The following ARNT2 variants were observed in gnomAD, a reference collection of about 807,000 sequenced individuals.
The protein encoded by ARNT2 is aryl hydrocarbon receptor nuclear translocator 2.
Under a neutral mutation model 91.7 loss-of-function variants are expected in ARNT2, and 36 were observed. The ratio of observed to expected loss-of-function variants is 0.39; its 90% CI spans 0.30 to 0.52. The LOEUF (loss-of-function observed/expected upper bound fraction) is 0.52, where lower values mean the gene tolerates loss of function less well. Among genes scored for constraint, ARNT2 ranks in the 20% least tolerant of loss-of-function variants. The pLI is 0.72. For missense variants in ARNT2, 775 were observed against 939.3 expected (o/e 0.83, Z 2.29); for synonymous variants, 365 against 347.1 (o/e 1.05, Z -0.57).
intron 14 of ARNT2, 37 bp from the exon 15 acceptor site, chr15:80,576,829 G>T (rs761712225): frequency 1.1e-5 from 17 of 1,608,258 alleles, no homozygotes; most frequent in Non-Finnish European, 1.4e-5. Context: ...GCAGAGCAGG[G>T]AACCTTCGCA....
intron 1 of ARNT2, among the ~76,000 whole-genome samples, chr15:80,431,769 GCT>G (rs775652740): frequency 2.6e-5 from 4 of 152,298 alleles, no homozygotes; most frequent in Non-Finnish European, 4.4e-5. Flanking sequence ...TGGCCTACCA[GCT>G]CTCTCCCTTT....
At chr15:80,505,924 G>GTTTTTTTTTTTTTTTTT (rs1486880107) in intron 5 of ARNT2, among the ~76,000 whole-genome samples, 18 of 71,148 alleles carry the variant, frequency 2.5e-4, no homozygotes, top group African/African-American at 1.1e-3. Flanking sequence ...CCCAACATTT[G>GTTTTTTTTTTTTTTTTT]TTGTTTTTTT....
intron 1 of ARNT2, among the ~76,000 whole-genome samples, chr15:80,425,672 C>A (rs1895922872): frequency 6.6e-6 from 1 of 151,822 alleles, no homozygotes; most frequent in African/African-American, 2.4e-5. Flanking sequence ...ACCTATTGAC[C>A]CATTTTCTAA....
At chr15:80,584,113 A>G (rs74027859) in intron 17 of ARNT2, among the ~76,000 whole-genome samples, 171 of 152,300 alleles carry the variant, frequency 1.1e-3, no homozygotes, top group African/African-American at 3.9e-3. Flanking sequence ...GACGAAGCTG[A>G]GCAGGAGAGC....
intron 8 of ARNT2, among the ~76,000 whole-genome samples, chr15:80,546,425 G>A (rs1004152181): frequency 7.2e-5 from 11 of 152,204 alleles, no homozygotes; most frequent in South Asian, 2.1e-4. Context: ...GCACATTGCC[G>A]CTCTGAATAA....
At position 80,580,362 on chromosome 15, in the gene ARNT2, A is replaced by G. The variant is rs752318625; in HGVS notation, c.1614-49A>G. 5 of 1,610,054 alleles carry G rather than the reference A, an allele frequency of 3.1e-6. No homozygotes were observed. In the Admixed American group the frequency reaches 6.7e-5, roughly 21 times the overall value. ...TGTGGTTGGCTGGGCACGTAGACTC[A>G]TGCAAACCAGGTGTGTCCTCGGGAT... is the stretch of plus-strand genomic sequence containing the variant. On this transcript the variant is annotated intron_variant, in intron 15 of 18. Coordinates refer to ENST00000303329, the MANE Select transcript of ARNT2 (RefSeq NM_014862.4).
At chr15:80,418,470 TCTGTC>T (rs1895817232) in intron 1 of ARNT2, among the ~76,000 whole-genome samples, 1 of 152,220 alleles carries the variant, frequency 6.6e-6, no homozygotes, top group Non-Finnish European at 1.5e-5. Flanking sequence ...GGACCATTCT[TCTGTC>T]CTGACTTCTG....
intron 17 of ARNT2, among the ~76,000 whole-genome samples, chr15:80,582,782 T>C (rs1898822813): frequency 6.6e-6 from 1 of 152,182 alleles, no homozygotes; most frequent in African/African-American, 2.4e-5. Context: ...AGAAACCCCA[T>C]AGCAGTTGCT....
chr15:80,528,611 A>C (rs921857669), intron 8 of ARNT2, among the ~76,000 whole-genome samples: 1 of 152,012 alleles, frequency 6.6e-6, no homozygotes, highest in African/African-American at 2.4e-5. Context: ...ACCGCTCATG[A>C]ATATATTAAT....
Position 80,551,200 on chromosome 15 carries a change from A to AT in ARNT2, c.879_880insT (p.Met294TyrfsTer5). On this transcript the variant is annotated frameshift_variant and splice_region_variant, in exon 9 of 19. Transcript: ENST00000303329. LOFTEE classifies it high-confidence loss of function. ...TGACACAGGTATTTCCCATTTCAGG[A>AT]ATGACCATACCTGAAGAAGACGCTG... is the stretch of plus-strand genomic sequence containing the variant. 1 of 1,613,572 alleles carries AT rather than the reference A, an allele frequency of 6.2e-7. No homozygotes were observed. The highest frequency in any genetic ancestry group is 8.5e-7 in the Non-Finnish European group (1 of 1,179,560).
At chr15:80,502,468 G>A (rs1897213609) in intron 5 of ARNT2, among the ~76,000 whole-genome samples, 1 of 152,182 alleles carries the variant, frequency 6.6e-6, no homozygotes, top group African/African-American at 2.4e-5. Flanking sequence ...TGCAGGAGGA[G>A]GAGAGACCCA....
intron 10 of ARNT2, 145 bp from the exon 11 acceptor site, chr15:80,554,920 C>A: frequency 1.4e-6 from 1 of 737,910 alleles, no homozygotes; most frequent in Non-Finnish European, 2.2e-6. Flanking sequence ...GGAAATTTTG[C>A]ACTCACTTTT....
intron 12 of ARNT2, among the ~76,000 whole-genome samples, chr15:80,566,983 C>G (rs1276361531): frequency 6.6e-6 from 1 of 152,180 alleles, no homozygotes; most frequent in Non-Finnish European, 1.5e-5. Context: ...TCTCACTTCT[C>G]CCAACATGGG....
At position 80,594,572 on chromosome 15, in the gene ARNT2, T is replaced by C; in HGVS notation, c.*874T>C. On this transcript the variant is annotated 3_prime_UTR_variant, in exon 19 of 19. Transcript: ENST00000303329. The stretch of plus-strand genomic sequence containing the variant: ...TGGTGCAGATTCAAGCTCCTCCTCT[T>C]AGAGGAAGCAGCTCCTTCCTCCCAC... 1 of 152,386 alleles carries C rather than the reference T, an allele frequency of 6.6e-6. No homozygotes were observed. The highest frequency in any genetic ancestry group is 1.5e-5 in the Non-Finnish European group (1 of 68,120). The allele number at this position is 152,386 out of a possible 1,614,324, so 9.4% of individuals were successfully genotyped here.
chr15:80,516,122 C>T (rs557929489), intron 8 of ARNT2, among the ~76,000 whole-genome samples: 69 of 152,294 alleles, frequency 4.5e-4, no homozygotes, highest in African/African-American at 1.6e-3. Flanking sequence ...CCACCTGCCT[C>T]GGCCTCCCAA....
At chr15:80,419,631 G>A (rs1466188853) in intron 1 of ARNT2, among the ~76,000 whole-genome samples, 2 of 152,198 alleles carry the variant, frequency 1.3e-5, no homozygotes, top group African/African-American at 4.8e-5. Context: ...TCCTGGCATT[G>A]ACATGGCATG....
In ARNT2 at chr15:80,593,643, A is replaced by C. The variant is rs1205406382; in HGVS notation, c.2099A>C (p.Asn700Thr). 6.2e-7 allele frequency: 1 copy of C among 1,607,454 alleles called. No individual in the cohort carries two copies. Among genetic ancestry groups the C allele is most frequent in the East Asian group, 2.2e-5 (1 of 44,820 alleles). Residue 700 changes from asparagine to threonine, a missense_variant, in exon 19 of 19, where the codon AAC (asparagine) becomes ACC (threonine). Physicochemically the swap from Asn to Thr is moderately conservative, Grantham distance 65. Transcript: ENST00000303329. ...MPGDPTQGTGNYNIEDFADLG... is the reference protein window; with the variant it reads ...MPGDPTQGTGTYNIEDFADLG... ...GGAGATCCAACCCAGGGGACTGGCA[A>C]CTATAACATCGAAGACTTTGCCGAC...
intron 2 of ARNT2, among the ~76,000 whole-genome samples, chr15:80,456,077 C>T (rs992463939): frequency 6.6e-6 from 1 of 152,094 alleles, no homozygotes; most frequent in East Asian, 1.9e-4. Flanking sequence ...TGTAATTTTC[C>T]GAGAAAGGTG....
intron 12 of ARNT2, among the ~76,000 whole-genome samples, chr15:80,570,858 G>A (rs1385688537): frequency 2.0e-5 from 3 of 152,140 alleles, no homozygotes; most frequent in East Asian, 3.8e-4. Flanking sequence ...AAAGAGTTCC[G>A]TACAGTTCAC....
Sources: allele counts gnomAD v4.1 joint callset (sites outside exome capture counted in the v4.1 genomes callset), GRCh38; gene constraint gnomAD v4.1.1; transcripts MANE v1.5; gene names NCBI Gene and HGNC (gene_info 2026-07-23, HGNC 2026-07-21).